Variants in VDAC1 observed in about 807,000 individuals in gnomAD.
VDAC1 encodes non-selective voltage-gated ion channel VDAC1.
In VDAC1, 10 loss-of-function variants were observed where a neutral mutation model predicts 34.7. The ratio of observed to expected loss-of-function variants is 0.29; its 90% CI spans 0.18 to 0.49. VDAC1 has a LOEUF of 0.49. VDAC1 is among the 20% of genes least tolerant of loss of function. The pLI is 0.99. For missense variants in VDAC1, 230 were observed against 347.9 expected, an observed-to-expected ratio of 0.66 and a Z score of 2.69; for synonymous variants, 130 against 136.0, an observed-to-expected ratio of 0.96 and a Z score of 0.30.
At chr5:134,096,123 G>A in the VDAC1 span, among the ~76,000 whole-genome samples, 11 of 152,208 alleles carry the variant, frequency 7.2e-5, no homozygotes, top group Non-Finnish European at 1.0e-4. Context: ...AAGGAAGTGC[G>A]TGTTTCCTTT....
rs1007032061 is a variant in VDAC1, at chr5:133,982,384, C to T, written c.324-1428G>A. On this transcript the variant is annotated intron_variant, in intron 5 of 8. Transcript: ENST00000265333. Reference sequence around the variant, plus strand: ...AAAATTAGCTGGGCGCGGTGGTGGGCGTGTGTAATCCCAGCTACTCAGGAG... The same window carrying T: ...AAAATTAGCTGGGCGCGGTGGTGGGTGTGTGTAATCCCAGCTACTCAGGAG... Among the ~76,000 whole-genome samples the T allele has an allele frequency of 4.6e-5, 7 of 150,822 alleles. 1 individual carries two copies. Among genetic ancestry groups the T allele is most frequent in the African/African-American group, 7.3e-5 (3 of 40,972 alleles).
the VDAC1 span, among the ~76,000 whole-genome samples, chr5:134,039,293 C>G: frequency 1.3e-5 from 2 of 152,284 alleles, no homozygotes; most frequent in East Asian, 3.9e-4. Context: ...GATTGTTTCA[C>G]TGGTCTGGAA....
chr5:134,101,421 G>C, the VDAC1 span, among the ~76,000 whole-genome samples: 2 of 152,108 alleles, frequency 1.3e-5, no homozygotes, highest in Non-Finnish European at 2.9e-5. Context: ...GAAACCCCAT[G>C]TCTATTAAAA....
At chr5:134,034,701 T>C in the VDAC1 span, among the ~76,000 whole-genome samples, 8 of 152,214 alleles carry the variant, frequency 5.3e-5, no homozygotes, top group Admixed American at 5.2e-4. Context: ...CCTGGGACAC[T>C]AATGCAAGGT....
At chr5:134,030,022 T>C in the VDAC1 span, among the ~76,000 whole-genome samples, 6 of 152,218 alleles carry the variant, frequency 3.9e-5, no homozygotes, top group East Asian at 1.2e-3. Context: ...TGCAACTTCC[T>C]GGAAATCTAT....
At chr5:134,086,693 T>A in the VDAC1 span, among the ~76,000 whole-genome samples, 3 of 146,176 alleles carry the variant, frequency 2.1e-5, no homozygotes, top group South Asian at 2.1e-4. Flanking sequence ...CCTTCTTCCT[T>A]CCCCTTCCCC....
chr5:133,996,107 A>T (rs964509056), intron 1 of VDAC1, among the ~76,000 whole-genome samples: 1 of 152,244 alleles, frequency 6.6e-6, no homozygotes, highest in Non-Finnish European at 1.5e-5. Context: ...GACAGACAGA[A>T]GTCAGAGGGC....
chr5:134,029,640 T>C, the VDAC1 span, among the ~76,000 whole-genome samples: 1 of 152,250 alleles, frequency 6.6e-6, no homozygotes, highest in Non-Finnish European at 1.5e-5. Flanking sequence ...GATTTAATTT[T>C]AATAAATTAA....
intron 6 of VDAC1, 74 bp downstream of exon 6, chr5:133,980,655 A>C (rs1424163426): frequency 5.7e-6 from 5 of 876,580 alleles, no homozygotes; most frequent in Non-Finnish European, 5.0e-6. Flanking sequence ...AAAAAAAAAC[A>C]GTGAAAAGCA....
At chr5:134,054,039 G>T in the VDAC1 span, among the ~76,000 whole-genome samples, 4 of 152,318 alleles carry the variant, frequency 2.6e-5, no homozygotes, top group Non-Finnish European at 4.4e-5. Flanking sequence ...TGATATTAAG[G>T]ATTTAATAAC....
chr5:134,105,735 T>A, the VDAC1 span, among the ~76,000 whole-genome samples: 4 of 152,222 alleles, frequency 2.6e-5, no homozygotes, highest in African/African-American at 4.8e-5. Context: ...CCAGCTCCTG[T>A]GCCTTGCTCC....
the VDAC1 span, among the ~76,000 whole-genome samples, chr5:134,103,936 C>T: frequency 6.6e-6 from 1 of 152,210 alleles, no homozygotes; most frequent in African/African-American, 2.4e-5. Flanking sequence ...GCAGGCTCAT[C>T]TCTGAGGACC....
chr5:134,013,811 G>A, the VDAC1 span, among the ~76,000 whole-genome samples: 2,382 of 151,898 alleles, frequency 0.016, 54 homozygotes, highest in African/African-American at 0.054. Flanking sequence ...GCATGGTTGC[G>A]GGCACCTGTA....
At chr5:134,104,973 T>C in the VDAC1 span, among the ~76,000 whole-genome samples, 1 of 152,110 alleles carries the variant, frequency 6.6e-6, no homozygotes, top group Non-Finnish European at 1.5e-5. Flanking sequence ...CAGCATGCTA[T>C]TCCCTGCAAG....
At chr5:134,055,409 T>TTTTGTTTG in the VDAC1 span, among the ~76,000 whole-genome samples, 5 of 151,756 alleles carry the variant, frequency 3.3e-5, no homozygotes, top group South Asian at 2.1e-4. Context: ...CAAGTGCTTA[T>TTTTGTTTG]TTTGTTTGTT....
chr5:134,091,721 G>A, the VDAC1 span, among the ~76,000 whole-genome samples: 7 of 152,308 alleles, frequency 4.6e-5, no homozygotes, highest in South Asian at 2.1e-4. Flanking sequence ...TGTACCAGGC[G>A]CCGTTCTAAG....
chr5:134,006,905 C>T (rs1353058800), upstream of VDAC1, among the ~76,000 whole-genome samples: 4 of 152,088 alleles, frequency 2.6e-5, no homozygotes, highest in East Asian at 7.7e-4. Flanking sequence ...CTCTAAGAGC[C>T]TCAGCTTCAG....
the VDAC1 span, among the ~76,000 whole-genome samples, chr5:134,059,241 C>T: frequency 1.3e-5 from 2 of 152,296 alleles, no homozygotes; most frequent in Non-Finnish European, 1.5e-5. Flanking sequence ...TCCCTCCCCA[C>T]CAGCCAACGT....
the VDAC1 span, among the ~76,000 whole-genome samples, chr5:134,033,924 G>A: frequency 2.0e-5 from 3 of 151,910 alleles, no homozygotes; most frequent in East Asian, 3.9e-4. Context: ...CCCGGGAGGC[G>A]GAGCTTGCAG....
Sources: gnomAD v4.1 joint callset for allele counts (sites outside exome capture counted in the v4.1 genomes callset) on GRCh38, gnomAD v4.1.1 for gene constraint, MANE v1.5 for transcripts, NCBI Gene and HGNC (gene_info 2026-07-23, HGNC 2026-07-21) for gene names.